AKIRIN2: variants seen among roughly 807,000 people sequenced by gnomAD.
AKIRIN2 encodes the protein akirin-2.
In AKIRIN2, 6 loss-of-function variants were observed where a neutral mutation model predicts 29.3. The ratio of observed to expected loss-of-function variants is 0.20; its 90% CI spans 0.11 to 0.40. AKIRIN2 has a LOEUF of 0.40. Among genes scored for constraint, AKIRIN2 ranks in the 10% least tolerant of loss-of-function variants. The pLI is 1.00. For synonymous variants in AKIRIN2, 128 were observed against 117.5 expected, an observed-to-expected ratio of 1.09 and a Z score of -0.58; for missense variants, 210 against 276.1, an observed-to-expected ratio of 0.76 and a Z score of 1.70.
chr6:87,692,664 T>C (rs746123339), intron 1 of AKIRIN2, among the ~76,000 whole-genome samples: 3 of 151,962 alleles, frequency 2.0e-5, no homozygotes, highest in Non-Finnish European at 4.4e-5. Flanking sequence ...ATACAAAAAT[T>C]AGCTGGGTGT....
At chr6:87,693,058 T>C (rs1771300562) in intron 1 of AKIRIN2, among the ~76,000 whole-genome samples, 1 of 151,666 alleles carries the variant, frequency 6.6e-6, no homozygotes. Context: ...TGAAACCTCA[T>C]CTCTACTAAA....
intron 1 of AKIRIN2, among the ~76,000 whole-genome samples, chr6:87,695,124 CTGA>C (rs938818374): frequency 9.9e-5 from 15 of 152,198 alleles, no homozygotes; most frequent in African/African-American, 2.6e-4. Context: ...GAGCAAATAC[CTGA>C]TAATAGAAAA....
At chr6:87,686,862 A>T (rs551973945) in intron 1 of AKIRIN2, among the ~76,000 whole-genome samples, 1 of 151,882 alleles carries the variant, frequency 6.6e-6, no homozygotes, top group South Asian at 2.1e-4. Context: ...GCTGGCCAAC[A>T]TGACGAAACC....
At chr6:87,700,442 A>T (rs1319787542) in intron 1 of AKIRIN2, 3 of 152,258 alleles carry the variant, frequency 2.0e-5, no homozygotes, top group Non-Finnish European at 4.4e-5. Flanking sequence ...CATGCTACAC[A>T]CAAAGGAAAC....
At chr6:87,701,216 C>G (rs1470909174) in intron 1 of AKIRIN2, among the ~76,000 whole-genome samples, 1 of 152,118 alleles carries the variant, frequency 6.6e-6, no homozygotes, top group African/African-American at 2.4e-5. Context: ...ACGGGCAAGG[C>G]AAAGCCCCTA....
At chr6:87,679,335 C>T (rs775670302) in intron 2 of AKIRIN2, among the ~76,000 whole-genome samples, 29 of 151,910 alleles carry the variant, frequency 1.9e-4, no homozygotes, top group Admixed American at 3.3e-4. Flanking sequence ...GGCCAGCCTG[C>T]GCAACATGGC....
intron 1 of AKIRIN2, among the ~76,000 whole-genome samples, chr6:87,694,851 C>T (rs1771333380): frequency 6.6e-6 from 1 of 152,170 alleles, no homozygotes; most frequent in Non-Finnish European, 1.5e-5. Context: ...AAATCCTCAT[C>T]ACCAAAAATA....
chr6:87,684,228 C>T (rs1384034217), intron 1 of AKIRIN2, among the ~76,000 whole-genome samples: 1 of 152,098 alleles, frequency 6.6e-6, no homozygotes, highest in African/African-American at 2.4e-5. Flanking sequence ...CAAAAGAATG[C>T]TTGTATAATA....
chr6:87,699,192 G>A (rs1201804562), intron 1 of AKIRIN2, among the ~76,000 whole-genome samples: 1 of 152,168 alleles, frequency 6.6e-6, no homozygotes, highest in Non-Finnish European at 1.5e-5. Flanking sequence ...TCAGGTGCAT[G>A]AGAAAATTAT....
chr6:87,688,282 C>T (rs930018769), intron 1 of AKIRIN2, among the ~76,000 whole-genome samples: 1 of 152,120 alleles, frequency 6.6e-6, no homozygotes, highest in Non-Finnish European at 1.5e-5. Flanking sequence ...CAGGTGCCCG[C>T]CACTATGCCC....
At chr6:87,680,283 A>ATTTTT (rs10563070) in intron 2 of AKIRIN2, among the ~76,000 whole-genome samples, 2 of 79,578 alleles carry the variant, frequency 2.5e-5, no homozygotes, top group African/African-American at 8.6e-5. Context: ...ATGGTCTTTG[A>ATTTTT]TTTTTTTTTT....
chr6:87,695,284 G>A (rs1020655124), intron 1 of AKIRIN2, among the ~76,000 whole-genome samples: 6 of 151,710 alleles, frequency 4.0e-5, no homozygotes, highest in African/African-American at 4.8e-5. Context: ...TATTTATTAC[G>A]ACTCGTTGGA....
At chr6:87,693,987 T>A (rs1339167866) in intron 1 of AKIRIN2, among the ~76,000 whole-genome samples, 1 of 152,168 alleles carries the variant, frequency 6.6e-6, no homozygotes, top group Non-Finnish European at 1.5e-5. Context: ...CTATCATAAT[T>A]AAAAGGCACA....
In AKIRIN2 at chr6:87,681,746, T is replaced by A; in HGVS notation, c.253A>T (p.Ile85Leu). ...RLTTEQILYN[I>L]KQEYKRMQKR... ...TGCATTCGTTTATACTCTTGTTTTATGTTGTACAGAATTTGTTCTAAAATA... is the reference window on the plus strand; with the variant it reads ...TGCATTCGTTTATACTCTTGTTTTAAGTTGTACAGAATTTGTTCTAAAATA... The change falls in exon 2 of 5, where the codon ATA becomes TTA. Residue 85 changes from isoleucine to leucine, a missense_variant. By Grantham distance (5) the Ile-to-Leu change is conservative. Coordinates refer to ENST00000257787, the MANE Select transcript of AKIRIN2 (RefSeq NM_018064.4). 1 of 1,595,240 alleles carries A rather than the reference T, an allele frequency of 6.3e-7. No homozygotes were observed. Among genetic ancestry groups the A allele is most frequent in the Non-Finnish European group, 8.5e-7 (1 of 1,173,542 alleles).
At chr6:87,699,800 C>T (rs1489981507) in intron 1 of AKIRIN2, among the ~76,000 whole-genome samples, 1 of 152,130 alleles carries the variant, frequency 6.6e-6, no homozygotes, top group African/African-American at 2.4e-5. Context: ...CACATACATG[C>T]CCAAGATTAT....
At chr6:87,682,180 A>G (rs1419335643) in intron 1 of AKIRIN2, among the ~76,000 whole-genome samples, 1 of 152,222 alleles carries the variant, frequency 6.6e-6, no homozygotes, top group Non-Finnish European at 1.5e-5. Flanking sequence ...CCCATAAATA[A>G]GAAGGGGCTT....
At chr6:87,685,535 ATTT>A (rs1409690255) in intron 1 of AKIRIN2, among the ~76,000 whole-genome samples, 2 of 152,150 alleles carry the variant, frequency 1.3e-5, no homozygotes, top group African/African-American at 4.8e-5. Flanking sequence ...TGCCAACACA[ATTT>A]ACAGTTCATT....
chr6:87,684,735 C>A (rs1771163535), intron 1 of AKIRIN2, among the ~76,000 whole-genome samples: 1 of 152,166 alleles, frequency 6.6e-6, no homozygotes, highest in African/African-American at 2.4e-5. Context: ...AGTATTCCAT[C>A]ATATGTATGT....
At chr6:87,677,996 C>A in intron 2 of AKIRIN2, 29 bp from the exon 3 acceptor site, 2 of 1,595,886 alleles carry the variant, frequency 1.3e-6, no homozygotes, top group African/African-American at 2.7e-5. Context: ...AAAAATAGCA[C>A]CTGGTTTAGA....
Sources: allele counts gnomAD v4.1 joint callset (sites outside exome capture counted in the v4.1 genomes callset), GRCh38; gene constraint gnomAD v4.1.1; transcripts MANE v1.5; gene names NCBI Gene and HGNC (gene_info 2026-07-23, HGNC 2026-07-21).